ARHGEF12: variants seen among roughly 807,000 people sequenced by gnomAD.
ARHGEF12 encodes KMT2A/ARHGEF12 fusion protein.
In ARHGEF12, 66 loss-of-function variants were observed where a neutral mutation model predicts 211.2. That is an observed-to-expected ratio of 0.31 (90% confidence interval 0.26 to 0.38). ARHGEF12 has a LOEUF of 0.38. Among genes scored for constraint, ARHGEF12 ranks in the 10% least tolerant of loss-of-function variants. ARHGEF12 has a pLI of 1.00. For synonymous variants in ARHGEF12, 592 were observed against 638.4 expected (o/e 0.93, Z 1.09); for missense variants, 1,429 against 1,869.5 (o/e 0.76, Z 4.34).
intron 1 of ARHGEF12, among the ~76,000 whole-genome samples, chr11:120,361,321 G>A (rs1943268689): frequency 2.0e-5 from 3 of 152,152 alleles, no homozygotes; most frequent in Admixed American, 1.3e-4. Context: ...CTGCACATGT[G>A]AGGGATCTAG....
chr11:120,450,398 T>C (rs969918683), intron 21 of ARHGEF12: 4 of 141,068 alleles, frequency 2.8e-5, no homozygotes, highest in African/African-American at 7.9e-5. Context: ...AAAAAAGATA[T>C]TGGCATGGTA....
intron 13 of ARHGEF12, among the ~76,000 whole-genome samples, chr11:120,440,947 G>T (rs1945851069): frequency 6.6e-6 from 1 of 152,078 alleles, no homozygotes; most frequent in South Asian, 2.1e-4. Context: ...TTATTATGTG[G>T]TTTTTCTGAT....
intron 12 of ARHGEF12, among the ~76,000 whole-genome samples, chr11:120,438,002 A>G (rs1945747318): frequency 6.6e-6 from 1 of 152,048 alleles, no homozygotes; most frequent in African/African-American, 2.4e-5. Context: ...GATTGCTTCC[A>G]CTTTTTGCTA....
intron 1 of ARHGEF12, among the ~76,000 whole-genome samples, chr11:120,388,143 T>C (rs1000033652): frequency 3.9e-5 from 6 of 152,160 alleles, no homozygotes; most frequent in African/African-American, 1.4e-4. Context: ...CTTTGGTCCT[T>C]ATAGAGTAGT....
At chr11:120,385,473 G>A in intron 1 of ARHGEF12, 4 of 985,332 alleles carry the variant, frequency 4.1e-6, no homozygotes, top group Non-Finnish European at 4.8e-6. Flanking sequence ...CTGCTGATTT[G>A]TCCGGTGATC....
intron 1 of ARHGEF12, among the ~76,000 whole-genome samples, chr11:120,345,914 T>C (rs1426027086): frequency 6.6e-6 from 1 of 152,116 alleles, no homozygotes; most frequent in Non-Finnish European, 1.5e-5. Context: ...TATTATATTT[T>C]TATTTTTTAA....
intron 4 of ARHGEF12, among the ~76,000 whole-genome samples, chr11:120,416,605 A>G (rs568778637): frequency 6.6e-6 from 1 of 152,290 alleles, no homozygotes; most frequent in East Asian, 1.9e-4. Flanking sequence ...TACCCATCCA[A>G]AACTACTTTC....
At position 120,489,004 on chromosome 11, in the gene ARHGEF12, T is replaced by C. The variant is rs949482778; in HGVS notation, c.*3927T>C. On this transcript the variant is annotated 3_prime_UTR_variant, in exon 41 of 41. Transcript: ENST00000397843. Reference sequence around the variant, plus strand: ...GGTCTGGGAAAATAGAAAATAAGATTTCAAATATTAAATAAGCTTAAAGGA... The same window carrying C: ...GGTCTGGGAAAATAGAAAATAAGATCTCAAATATTAAATAAGCTTAAAGGA... 3.6e-5 allele frequency: 8 copies of C among 219,986 alleles called. No individual in the cohort carries two copies. Among genetic ancestry groups the C allele is most frequent in the Non-Finnish European group, 6.4e-5 (7 of 109,478 alleles). The allele number at this position is 219,986 out of a possible 1,614,324, so 13.6% of individuals were successfully genotyped here. A position where few individuals can be genotyped will look rare whatever the true frequency, so the allele number is the denominator to read the frequency against.
intron 39 of ARHGEF12, among the ~76,000 whole-genome samples, chr11:120,482,663 T>G (rs1000948279): frequency 6.6e-6 from 1 of 151,240 alleles, no homozygotes; most frequent in African/African-American, 2.4e-5. Flanking sequence ...GAGAATGGCA[T>G]GAACCTGGGA....
chr11:120,370,708 T>A (rs1479682980), intron 1 of ARHGEF12, among the ~76,000 whole-genome samples: 1 of 152,144 alleles, frequency 6.6e-6, no homozygotes, highest in Non-Finnish European at 1.5e-5. Flanking sequence ...TATTTCTAGG[T>A]ACTTTATGAT....
chr11:120,433,955 C>T (rs1945622069), intron 11 of ARHGEF12, among the ~76,000 whole-genome samples: 1 of 151,900 alleles, frequency 6.6e-6, no homozygotes, highest in Non-Finnish European at 1.5e-5. Context: ...AAGACTCCAT[C>T]TCAGGGGTGG....
chr11:120,404,809 A>T (rs1035635228), intron 1 of ARHGEF12, among the ~76,000 whole-genome samples: 2 of 152,320 alleles, frequency 1.3e-5, no homozygotes, highest in South Asian at 4.1e-4. Flanking sequence ...GTCAACTTGT[A>T]TGTTCATCTG....
chr11:120,407,640 T>C, intron 2 of ARHGEF12, 98 bp from the exon 3 acceptor site: 1 of 862,894 alleles, frequency 1.2e-6, no homozygotes, highest in South Asian at 1.6e-5. Context: ...GTAAACTGAT[T>C]TCCTGGTTTT....
At chr11:120,406,362 G>T (rs369795569) in intron 2 of ARHGEF12, among the ~76,000 whole-genome samples, 3 of 151,954 alleles carry the variant, frequency 2.0e-5, no homozygotes, top group African/African-American at 7.3e-5. Context: ...TAAAAATTTT[G>T]TTCAAAAGGA....
chr11:120,459,842 G>C (rs1946474641), intron 26 of ARHGEF12, among the ~76,000 whole-genome samples: 3 of 152,108 alleles, frequency 2.0e-5, no homozygotes. Flanking sequence ...CTGAGTAACT[G>C]GGATTACAGG....
chr11:120,477,640 G>C, intron 36 of ARHGEF12, 114 bp downstream of exon 36: 1 of 933,654 alleles, frequency 1.1e-6, no homozygotes, highest in Non-Finnish European at 1.6e-6. Flanking sequence ...CGAGATAGGC[G>C]TATCACCTGA....
chr11:120,475,534 A>G (rs975696049), intron 33 of ARHGEF12, 27 bp downstream of exon 33: 1 of 1,606,020 alleles, frequency 6.2e-7, no homozygotes, highest in Admixed American at 1.7e-5. Context: ...AAGGATACTA[A>G]TTTCCAGATT....
chr11:120,363,751 A>G (rs1335253344), intron 1 of ARHGEF12, among the ~76,000 whole-genome samples: 2 of 152,150 alleles, frequency 1.3e-5, no homozygotes, highest in Non-Finnish European at 1.5e-5. Flanking sequence ...TATGGACTTC[A>G]TGTTGATCAA....
chr11:120,363,967 G>T (rs942921572), intron 1 of ARHGEF12, among the ~76,000 whole-genome samples: 1 of 152,040 alleles, frequency 6.6e-6, no homozygotes, highest in Non-Finnish European at 1.5e-5. Flanking sequence ...TTGTTTGGGG[G>T]GCTGTTTGGA....
Sources: allele counts gnomAD v4.1 joint callset (sites outside exome capture counted in the v4.1 genomes callset), GRCh38; gene constraint gnomAD v4.1.1; transcripts MANE v1.5; gene names NCBI Gene and HGNC (gene_info 2026-07-23, HGNC 2026-07-21).